The following GRIN2B variants were observed in gnomAD, a reference collection of about 807,000 sequenced individuals.
GRIN2B encodes glutamate receptor ionotropic, NMDA 2B.
A neutral mutation model predicts 114.5 loss-of-function variants in GRIN2B; 5 were observed. That is an observed-to-expected ratio of 0.04 (90% CI 0.02 to 0.09). GRIN2B has a LOEUF of 0.09. Among genes scored for constraint, GRIN2B ranks in the 10% least tolerant of loss-of-function variants. The pLI is 1.00. For missense variants in GRIN2B, 1,108 were observed against 1,943.5 expected, an observed-to-expected ratio of 0.57 and a Z score of 8.08; for synonymous variants, 787 against 745.1, an observed-to-expected ratio of 1.06 and a Z score of -0.92.
At chr12:13,575,658 C>A (rs997660724) in intron 10 of GRIN2B, among the ~76,000 whole-genome samples, 5 of 138,918 alleles carry the variant, frequency 3.6e-5, no homozygotes, top group African/African-American at 1.4e-4. Flanking sequence ...GACCCTGTCT[C>A]CAAAATGATA....
rs2136403015 is a variant in GRIN2B at position 13,563,163 on chromosome 12, C to A, written c.4075G>T (p.Ala1359Ser). 6.2e-7 allele frequency: 1 copy of A among 1,614,208 alleles called. No homozygotes were observed. ...FANNKSSVPT[A>S]GHHHHNNPGG... ...GGGTTGTTGTGGTGGTGATGTCCGG[C>A]AGTGGGCACTGAGGACTTGTTGTTG... The change falls in exon 14 of 14, where the codon GCC becomes TCC. Residue 1359 changes from alanine (A) to serine (S), a missense_variant. Around this residue, in one of 19 missense-constraint regions of GRIN2B, gnomAD observed 478 missense variants for 506.0 expected, o/e 0.94. Coordinates refer to ENST00000609686, the MANE Select transcript of GRIN2B (RefSeq NM_000834.5).
intron 10 of GRIN2B, among the ~76,000 whole-genome samples, chr12:13,599,766 A>T (rs1161036034): frequency 6.6e-6 from 1 of 152,204 alleles, no homozygotes; most frequent in Non-Finnish European, 1.5e-5. Context: ...GGCTGTAAAT[A>T]GATTTGAAAT....
At chr12:13,881,617 G>A (rs1273715544) in intron 2 of GRIN2B, among the ~76,000 whole-genome samples, 3 of 152,126 alleles carry the variant, frequency 2.0e-5, no homozygotes, top group Non-Finnish European at 4.4e-5. Context: ...TGTCATTTTC[G>A]TTTGTCTAAT....
chr12:13,716,977 C>T (rs147780553), intron 4 of GRIN2B, among the ~76,000 whole-genome samples: 27 of 151,660 alleles, frequency 1.8e-4, no homozygotes, highest in African/African-American at 3.4e-4. Flanking sequence ...AAAATAAGAA[C>T]GGTCAGTTCT....
At chr12:13,602,369 A>ATTAAG (rs535940258) in intron 10 of GRIN2B, among the ~76,000 whole-genome samples, 29 of 152,258 alleles carry the variant, frequency 1.9e-4, no homozygotes, top group African/African-American at 6.7e-4. Context: ...TACTTTCTCA[A>ATTAAG]TTAAGTTATT....
At chr12:13,918,280 C>A (rs912443203) in intron 2 of GRIN2B, among the ~76,000 whole-genome samples, 3 of 152,190 alleles carry the variant, frequency 2.0e-5, no homozygotes, top group Admixed American at 1.3e-4. Context: ...TGGCACATGC[C>A]TGCAGTCCTA....
At chr12:13,811,363 C>T (rs565692223) in intron 3 of GRIN2B, among the ~76,000 whole-genome samples, 8 of 152,210 alleles carry the variant, frequency 5.3e-5, no homozygotes, top group Middle Eastern at 3.4e-3. Flanking sequence ...CCAGGAGGGT[C>T]GCTTGAGTTC....
intron 2 of GRIN2B, among the ~76,000 whole-genome samples, chr12:13,944,004 T>A (rs1867317475): frequency 6.6e-6 from 1 of 152,184 alleles, no homozygotes; most frequent in Admixed American, 6.6e-5. Context: ...AATAAATAAA[T>A]GAGCATAAAT....
chr12:13,858,747 A>G (rs1865704718), intron 3 of GRIN2B, among the ~76,000 whole-genome samples: 1 of 152,226 alleles, frequency 6.6e-6, no homozygotes, highest in African/African-American at 2.4e-5. Flanking sequence ...TGTTTTTAGA[A>G]AATGATCTTG....
intron 3 of GRIN2B, among the ~76,000 whole-genome samples, chr12:13,755,355 G>A (rs1027656710): frequency 2.6e-5 from 4 of 152,164 alleles, no homozygotes; most frequent in Non-Finnish European, 5.9e-5. Context: ...GCCAGCCCCT[G>A]GCTCTGCCTG....
intron 4 of GRIN2B, among the ~76,000 whole-genome samples, chr12:13,678,055 C>A (rs1398446102): frequency 6.6e-6 from 1 of 152,048 alleles, no homozygotes. Context: ...TGTTCAGAGT[C>A]CTAAGCTAAG....
chr12:13,944,934 C>T (rs909563736), intron 2 of GRIN2B, among the ~76,000 whole-genome samples: 3 of 152,126 alleles, frequency 2.0e-5, no homozygotes, highest in Admixed American at 6.6e-5. Context: ...TACATGCTTA[C>T]GGCTTTAATT....
chr12:13,921,657 A>G (rs934698764), intron 2 of GRIN2B, among the ~76,000 whole-genome samples: 1 of 152,112 alleles, frequency 6.6e-6, no homozygotes, highest in Non-Finnish European at 1.5e-5. Context: ...GGAGGTTGAA[A>G]GTCTGTACAT....
chr12:13,903,582 G>C (rs1866492071), intron 2 of GRIN2B, among the ~76,000 whole-genome samples: 1 of 151,938 alleles, frequency 6.6e-6, no homozygotes, highest in South Asian at 2.1e-4. Context: ...AGGTCTTCCT[G>C]GCCTTAATTT....
intron 10 of GRIN2B, among the ~76,000 whole-genome samples, chr12:13,597,589 T>C (rs533394099): frequency 6.6e-6 from 1 of 152,304 alleles, no homozygotes; most frequent in South Asian, 2.1e-4. Flanking sequence ...GGGTAGCCAA[T>C]AGGAACCTCA....
intron 13 of GRIN2B, among the ~76,000 whole-genome samples, chr12:13,565,732 C>T (rs1290154302): frequency 6.6e-6 from 1 of 152,006 alleles, no homozygotes; most frequent in Non-Finnish European, 1.5e-5. Flanking sequence ...AAGTTGTCTC[C>T]GTGGATGGGA....
chr12:13,754,104 T>C (rs1044358024), intron 3 of GRIN2B, among the ~76,000 whole-genome samples, 189 bp from the exon 4 acceptor site: 1 of 152,244 alleles, frequency 6.6e-6, no homozygotes, highest in Non-Finnish European at 1.5e-5. Flanking sequence ...AATACTTTTC[T>C]TCCTAAAATT....
At position 13,563,612 on chromosome 12, in the gene GRIN2B, C is replaced by A; in HGVS notation, c.3626G>T (p.Arg1209Leu). 6.2e-7 allele frequency: 1 copy of A among 1,614,008 alleles called. No individual in the cohort carries two copies. The highest frequency in any genetic ancestry group is 8.5e-7 in the Non-Finnish European group (1 of 1,179,998). ...GCTGCGGCAGAAGTTGCCCCCGGACCGGTCCTCCCACTCCACGTTGGTCAG... is the reference window on the plus strand; with the variant it reads ...GCTGCGGCAGAAGTTGCCCCCGGACAGGTCCTCCCACTCCACGTTGGTCAG... ...KNLTNVEWED[R>L]SGGNFCRSCP... Residue 1209 changes from arginine (R) to leucine (L), a missense_variant, in exon 14 of 14, where the codon CGG becomes CTG. Coordinates refer to ENST00000609686, the MANE Select transcript of GRIN2B (RefSeq NM_000834.5).
intron 3 of GRIN2B, among the ~76,000 whole-genome samples, chr12:13,767,233 C>T (rs1313436826): frequency 7.0e-6 from 1 of 143,736 alleles, no homozygotes; most frequent in Non-Finnish European, 1.5e-5. Context: ...GCACCCCAGC[C>T]TGTGCGAAAG....
Sources: gnomAD v4.1 joint callset for allele counts (sites outside exome capture counted in the v4.1 genomes callset) on GRCh38, gnomAD v4.1.1 for gene constraint, gnomAD v4.1.1 regional missense constraint, MANE v1.5 for transcripts, NCBI Gene and HGNC (gene_info 2026-07-23, HGNC 2026-07-21) for gene names.